The following MBTPS2 variants were observed in gnomAD, a reference collection of about 807,000 sequenced individuals.
MBTPS2 encodes membrane bound transcription factor peptidase, site 2.
A neutral mutation model predicts 35.4 loss-of-function variants in MBTPS2; 2 were observed. The ratio of observed to expected loss-of-function variants is 0.06; its 90% CI spans 0.02 to 0.18. MBTPS2 has a LOEUF of 0.18. Among genes scored for constraint, MBTPS2 ranks in the 10% least tolerant of loss-of-function variants. The pLI, the probability that MBTPS2 is intolerant of heterozygous loss-of-function variation, is 1.00. For missense variants in MBTPS2, 244 were observed against 386.5 expected, an observed-to-expected ratio of 0.63 and a Z score of 3.09; for synonymous variants, 125 against 140.4, an observed-to-expected ratio of 0.89 and a Z score of 0.77.
intron 5 of MBTPS2, among the ~76,000 whole-genome samples, chrX:21,861,712 C>CA (rs200607987): frequency 0.17 from 17,509 of 104,804 alleles, 1,323 homozygotes; most frequent in East Asian, 0.24. Context: ...AAAAAACAAA[C>CA]AAAAAAAAAC....
chrX:21,879,373 C>T (rs764352538), intron 9 of MBTPS2, among the ~76,000 whole-genome samples: 12 of 111,325 alleles, frequency 1.1e-4, no homozygotes, highest in Admixed American at 9.6e-5. Context: ...CTCCACACCT[C>T]GGGCTCAAGT....
rs1428327705 is a variant in MBTPS2, at chrX:21,885,206, G to A, written c.*2551G>A. The A allele has an allele frequency of 2.7e-6, 2 of 750,592 alleles. No individual in the cohort carries two copies. Among genetic ancestry groups the A allele is most frequent in the Non-Finnish European group, 3.1e-6 (2 of 637,440 alleles). The allele number at this position is 750,592 out of a possible 1,213,427, so 61.9% of individuals were successfully genotyped here. ...TCATTGTCTGTTCTAACAGCAAATT[G>A]TAAACATGTGCTTCATAGATATTGT... On this transcript the variant is annotated 3_prime_UTR_variant, in exon 11 of 11. Transcript: ENST00000379484.
At chrX:21,879,195 C>T (rs1388755856) in intron 9 of MBTPS2, among the ~76,000 whole-genome samples, 3 of 112,068 alleles carry the variant, frequency 2.7e-5, no homozygotes, top group East Asian at 2.8e-4. Flanking sequence ...TAGTCTAACT[C>T]ATTTTGTTGT....
intron 5 of MBTPS2, chrX:21,856,184 T>G (rs2092920985): frequency 2.6e-5 from 8 of 304,722 alleles, no homozygotes; most frequent in Admixed American, 2.2e-4. Context: ...CACGTGCACG[T>G]GCTTTTGGGG....
At position 21,878,550 on chromosome X, in the gene MBTPS2, C is replaced by A. The variant is rs1398802079; in HGVS notation, c.1119C>A (p.Thr373=). ...KAVEATQVCR[T]NKDCKKSSSS... ...TTGAAGCAACTCAAGTTTGCAGAAC[C>A]AATAAAGACTGTAAAAAAAGCTCAA... Residue 373 remains threonine (T), a synonymous_variant, in exon 9 of 11, where the codon ACC becomes ACA. Coordinates refer to ENST00000379484, the MANE Select transcript of MBTPS2 (RefSeq NM_015884.4). 4 of 1,206,857 alleles carry A rather than the reference C, an allele frequency of 3.3e-6. No homozygotes were observed. The highest frequency in any genetic ancestry group is 3.5e-5 in the South Asian group (2 of 56,708).
At chrX:21,850,554 G>A (rs925669280) in intron 3 of MBTPS2, among the ~76,000 whole-genome samples, 2 of 110,996 alleles carry the variant, frequency 1.8e-5, no homozygotes, top group African/African-American at 6.5e-5. Context: ...CCAACTCCTG[G>A]ACTGTAAGAA....
Position 21,875,298 on chromosome X carries a change from T to C in MBTPS2, c.971-2744T>C, listed in dbSNP as rs183737620. Among the ~76,000 whole-genome samples, 24 of 112,249 alleles carry C rather than the reference T, an allele frequency of 2.1e-4. No homozygotes were observed. The East Asian group carries it at 6.7e-3, about 31-fold the overall frequency. On this transcript the variant is annotated intron_variant, in intron 7 of 10. Coordinates refer to ENST00000379484, the MANE Select transcript of MBTPS2 (RefSeq NM_015884.4). Reference sequence around the variant, plus strand: ...GGCTTCACATGAAGGTTCAGATTTCTGGTTTCTGTTGGGACAAAATGGAAG... The same window carrying C: ...GGCTTCACATGAAGGTTCAGATTTCCGGTTTCTGTTGGGACAAAATGGAAG...
intron 6 of MBTPS2, 105 bp from the exon 7 acceptor site, chrX:21,869,393 C>T: frequency 1.6e-6 from 1 of 608,561 alleles, no homozygotes. Flanking sequence ...TTATTTTCTG[C>T]ATTCAAACTA....
chrX:21,879,308 TCTCA>T (rs1326551754), intron 9 of MBTPS2, among the ~76,000 whole-genome samples: 4 of 111,672 alleles, frequency 3.6e-5, no homozygotes, highest in Non-Finnish European at 5.6e-5. Context: ...TGAGACAGAT[TCTCA>T]CTCTGTCGCC....
At chrX:21,873,926 C>T (rs2092949987) in intron 7 of MBTPS2, among the ~76,000 whole-genome samples, 1 of 103,779 alleles carries the variant, frequency 9.6e-6, no homozygotes, top group South Asian at 4.3e-4. Flanking sequence ...GGTTTCTTTG[C>T]TATCCTAAAT....
At chrX:21,877,428 C>T (rs910747406) in intron 7 of MBTPS2, among the ~76,000 whole-genome samples, 5 of 111,532 alleles carry the variant, frequency 4.5e-5, no homozygotes, top group Admixed American at 3.8e-4. Context: ...GGTGACAGAG[C>T]GAGACTCTAT....
In MBTPS2 at chrX:21,885,001, C is replaced by T. The variant is rs368862917; in HGVS notation, c.*2346C>T. 9 of 748,290 alleles carry T rather than the reference C, an allele frequency of 1.2e-5. No homozygotes were observed. The highest frequency in any genetic ancestry group is 7.6e-4 in the Middle Eastern group (1 of 1,314). 61.7% of individuals were successfully genotyped at this position (748,290 alleles called of 1,213,427 possible). ...AGGATTGAAGAAAGTGTTCTTTCTGCGTTGTCACTTTGTTCAACAGTAAAA... is the reference window on the plus strand; with the variant it reads ...AGGATTGAAGAAAGTGTTCTTTCTGTGTTGTCACTTTGTTCAACAGTAAAA... On this transcript the variant is annotated 3_prime_UTR_variant, in exon 11 of 11. Coordinates refer to ENST00000379484, the MANE Select transcript of MBTPS2 (RefSeq NM_015884.4).
At chrX:21,876,467 G>A (rs1427226709) in intron 7 of MBTPS2, among the ~76,000 whole-genome samples, 1 of 110,323 alleles carries the variant, frequency 9.1e-6, no homozygotes, top group East Asian at 2.9e-4. Flanking sequence ...TCAGAAGGCT[G>A]AGGCGGGAGA....
chrX:21,885,220 CAT>C lies in MBTPS2; in HGVS notation c.*2567_*2568del. 1.3e-6 allele frequency: 1 copy of C among 751,493 alleles called. No homozygotes were observed. Among genetic ancestry groups the C allele is most frequent in the Non-Finnish European group, 1.6e-6 (1 of 636,870 alleles). 61.9% of individuals were successfully genotyped at this position (751,493 alleles called of 1,213,427 possible). A position where few individuals can be genotyped will look rare whatever the true frequency, so the allele number is the denominator to read the frequency against. On this transcript the variant is annotated 3_prime_UTR_variant, in exon 11 of 11. Transcript: ENST00000379484. ...AACAGCAAATTGTAAACATGTGCTTCATAGATATTGTGGCTCTCAGTCATCAC... is the reference window on the plus strand; with the variant it reads ...AACAGCAAATTGTAAACATGTGCTTCAGATATTGTGGCTCTCAGTCATCAC...
intron 7 of MBTPS2, chrX:21,870,040 T>C (rs1305918579): frequency 1.9e-5 from 3 of 157,509 alleles, no homozygotes; most frequent in South Asian, 2.9e-4. Flanking sequence ...CAGGAGTTCA[T>C]GACCAACCTG....
intron 5 of MBTPS2, among the ~76,000 whole-genome samples, chrX:21,867,034 A>AG (rs2092940962): frequency 2.4e-5 from 1 of 42,195 alleles, no homozygotes; most frequent in African/African-American, 1.1e-4. Context: ...AAAAAAAAGA[A>AG]AAAAAGAAAA....
chrX:21,855,625 T>C (rs2092919898), intron 5 of MBTPS2, among the ~76,000 whole-genome samples: 1 of 109,765 alleles, frequency 9.1e-6, no homozygotes, highest in African/African-American at 3.3e-5. Context: ...AGAGAAGGGG[T>C]TTTGCCATGT....
chrX:21,848,728 G>C (rs1437486990), intron 3 of MBTPS2, among the ~76,000 whole-genome samples: 1 of 111,102 alleles, frequency 9.0e-6, no homozygotes, highest in Non-Finnish European at 1.9e-5. Context: ...CAACAAAAAT[G>C]ATTATAACTA....
chrX:21,869,804 A>G, intron 7 of MBTPS2, 126 bp downstream of exon 7: 2 of 545,909 alleles, frequency 3.7e-6, no homozygotes, highest in Admixed American at 5.6e-5. Context: ...TAAAGTAAAT[A>G]GATTCCAACC....
Sources: allele counts gnomAD v4.1 joint callset (sites outside exome capture counted in the v4.1 genomes callset), GRCh38; gene constraint gnomAD v4.1.1; transcripts MANE v1.5; gene names NCBI Gene and HGNC (gene_info 2026-07-23, HGNC 2026-07-21).